The following GPC5 variants were observed in gnomAD, a reference collection of about 807,000 sequenced individuals.
The protein encoded by GPC5 is glypican-5.
A neutral mutation model predicts 53.9 loss-of-function variants in GPC5; 47 were observed. That is an observed-to-expected ratio of 0.87 (90% CI 0.69 to 1.11). The LOEUF (loss-of-function observed/expected upper bound fraction) is 1.11, where lower values mean the gene tolerates loss of function less well. GPC5 is among the 50% of genes most tolerant of loss of function. The pLI is 0.00. For missense variants in GPC5, 748 were observed against 713.1 expected, an observed-to-expected ratio of 1.05 and a Z score of -0.56; for synonymous variants, 286 against 263.3, an observed-to-expected ratio of 1.09 and a Z score of -0.84.
chr13:92,641,052 T>C (rs1885579735), intron 7 of GPC5, among the ~76,000 whole-genome samples: 4 of 152,014 alleles, frequency 2.6e-5, no homozygotes, highest in Admixed American at 6.6e-5. Context: ...GCAAGAAATA[T>C]CACGAGAATA....
At chr13:91,881,440 C>T (rs572450317) in intron 5 of GPC5, among the ~76,000 whole-genome samples, 38 of 152,122 alleles carry the variant, frequency 2.5e-4, no homozygotes, top group African/African-American at 8.7e-4. Flanking sequence ...TCAATGATAA[C>T]AGAGACATTG....
intron 7 of GPC5, among the ~76,000 whole-genome samples, chr13:92,683,971 G>C (rs1887179925): frequency 6.6e-6 from 1 of 152,108 alleles, no homozygotes; most frequent in Non-Finnish European, 1.5e-5. Context: ...CCAGTATATG[G>C]ATTTTAATAG....
At position 91,650,750 on chromosome 13, in the gene GPC5, G is replaced by GTTTTGTTTTTTTTTTTTTTT. The variant is rs1555333961; in HGVS notation, c.326-42433_326-42432insGTTTTTTTTTTTTTTTTTTT. On this transcript the variant is annotated intron_variant, in intron 2 of 7. Coordinates refer to ENST00000377067, the MANE Select transcript of GPC5 (RefSeq NM_004466.6). ...CATCTGTGAAACAAAATTCCCATAA[G>GTTTTGTTTTTTTTTTTTTTT]TTTTTTTTTTTTTTTTTTTTTTAGC... 8.0e-4 allele frequency among the ~76,000 whole-genome samples: 80 copies of GTTTTGTTTTTTTTTTTTTTT among 99,598 alleles called. 1 individual carries two copies. Among genetic ancestry groups the GTTTTGTTTTTTTTTTTTTTT allele is most frequent in the African/African-American group, 3.1e-3 (76 of 24,666 alleles). The allele number at this position is 99,598 out of a possible 152,430, so 65.3% of individuals were successfully genotyped here. A position where few individuals can be genotyped will look rare whatever the true frequency, so the allele number is the denominator to read the frequency against.
intron 7 of GPC5, among the ~76,000 whole-genome samples, chr13:92,278,533 C>A (rs2139165072): frequency 6.6e-6 from 1 of 152,032 alleles, no homozygotes; most frequent in African/African-American, 2.4e-5. Flanking sequence ...GGCAATGTAC[C>A]TTTTATGATT....
chr13:92,779,975 A>G (rs769460404), intron 7 of GPC5, among the ~76,000 whole-genome samples: 1 of 152,128 alleles, frequency 6.6e-6, no homozygotes, highest in South Asian at 2.1e-4. Context: ...TTTTCAGTTG[A>G]AAGTTAAGAC....
intron 2 of GPC5, among the ~76,000 whole-genome samples, chr13:91,531,759 T>C (rs144457625): frequency 6.6e-6 from 1 of 152,358 alleles, no homozygotes; most frequent in Non-Finnish European, 1.5e-5. Context: ...GTATGTGTGA[T>C]AAAGCTTTAA....
intron 7 of GPC5, among the ~76,000 whole-genome samples, chr13:92,550,602 A>G (rs567203327): frequency 6.6e-6 from 1 of 151,924 alleles, no homozygotes; most frequent in Admixed American, 6.6e-5. Context: ...ATAAGACCTG[A>G]AAAAGGGGTA....
chr13:92,392,757 C>G (rs1418262653), intron 7 of GPC5, among the ~76,000 whole-genome samples: 1 of 152,048 alleles, frequency 6.6e-6, no homozygotes, highest in Non-Finnish European at 1.5e-5. Flanking sequence ...AGAGACTGCT[C>G]AAAAGAAGAC....
At chr13:91,609,446 A>G (rs1270714263) in intron 2 of GPC5, among the ~76,000 whole-genome samples, 1 of 152,214 alleles carries the variant, frequency 6.6e-6, no homozygotes, top group African/African-American at 2.4e-5. Flanking sequence ...CTCATGCACC[A>G]GTATCAACCC....
chr13:92,735,852 A>G (rs1476428873), intron 7 of GPC5, among the ~76,000 whole-genome samples: 1 of 152,014 alleles, frequency 6.6e-6, no homozygotes, highest in Non-Finnish European at 1.5e-5. Context: ...TGGCATTAGT[A>G]TGTGTCCTAT....
rs180716580 is a variant in GPC5, at chr13:91,819,218, G to A, written c.1280+62798G>A. 8.4e-3 allele frequency among the ~76,000 whole-genome samples: 1,132 copies of A among 134,582 alleles called. 6 individuals are homozygous for A. Among genetic ancestry groups the A allele is most frequent in the Admixed American group, 0.012 (144 of 12,178 alleles). 88.3% of individuals were successfully genotyped at this position (134,582 alleles called of 152,430 possible). ...ACTCTCGCCTGGGCTGGAATGCAGT[G>A]GCGTGATATCAGCTCACTGCAACCT... On this transcript the variant is annotated intron_variant, in intron 5 of 7. Transcript: ENST00000377067.
At chr13:92,521,356 A>C (rs945559643) in intron 7 of GPC5, among the ~76,000 whole-genome samples, 16 of 152,328 alleles carry the variant, frequency 1.1e-4, no homozygotes, top group African/African-American at 3.4e-4. Context: ...CGGAGGCATC[A>C]TGCTACCTGA....
At chr13:91,828,983 T>A (rs1182566961) in intron 5 of GPC5, among the ~76,000 whole-genome samples, 1 of 152,070 alleles carries the variant, frequency 6.6e-6, no homozygotes, top group African/African-American at 2.4e-5. Flanking sequence ...AATGACATAA[T>A]GTCAAAGTGT....
chr13:92,018,187 G>A (rs961819247), intron 6 of GPC5, among the ~76,000 whole-genome samples: 5 of 151,944 alleles, frequency 3.3e-5, no homozygotes, highest in African/African-American at 1.2e-4. Flanking sequence ...GCCTACCAAA[G>A]GTAGGCATTT....
chr13:91,975,741 T>A (rs907904056), intron 6 of GPC5, among the ~76,000 whole-genome samples: 42 of 152,274 alleles, frequency 2.8e-4, no homozygotes, highest in African/African-American at 9.9e-4. Context: ...GAACTAGAAA[T>A]ACCATTTGAC....
chr13:91,515,467 A>C (rs1449130082), intron 2 of GPC5, among the ~76,000 whole-genome samples: 1 of 152,286 alleles, frequency 6.6e-6, no homozygotes, highest in Non-Finnish European at 1.5e-5. Context: ...GAATTAGGCT[A>C]TGTTTTCTTC....
In GPC5 at chr13:91,841,040, A is replaced by G. The variant is rs1456456455; in HGVS notation, c.1281-66897A>G. ...TACTATTTCTGGAATTGTAAAATATATGATTTTTTTTTTATTTTTCAAAGA... is the reference window on the plus strand; with the variant it reads ...TACTATTTCTGGAATTGTAAAATATGTGATTTTTTTTTTATTTTTCAAAGA... On this transcript the variant is annotated intron_variant, in intron 5 of 7. Coordinates refer to ENST00000377067, the MANE Select transcript of GPC5 (RefSeq NM_004466.6). Among the ~76,000 whole-genome samples the G allele has an allele frequency of 2.0e-5, 3 of 150,730 alleles. 1 individual carries two copies. Among genetic ancestry groups the G allele is most frequent in the Non-Finnish European group, 4.4e-5 (3 of 67,928 alleles).
At chr13:92,784,826 T>C (rs1876157828) in intron 7 of GPC5, among the ~76,000 whole-genome samples, 1 of 152,210 alleles carries the variant, frequency 6.6e-6, no homozygotes, top group Non-Finnish European at 1.5e-5. Flanking sequence ...TACCAGGAGC[T>C]GATATTCTTG....
At position 92,165,657 on chromosome 13, in the gene GPC5, C is replaced by T. The variant is rs575973477; in HGVS notation, c.1561+20668C>T. Among the ~76,000 whole-genome samples, 788 of 152,340 alleles carry T rather than the reference C, an allele frequency of 5.2e-3. 10 individuals carry two copies. The highest frequency in any genetic ancestry group is 0.018 in the African/African-American group (752 of 41,580). On this transcript the variant is annotated intron_variant, in intron 7 of 7. Transcript: ENST00000377067. ...ACCTCTCATGAGGCCCCTCCCCTAA[C>T]ACATGGGGATTACAATTTGGATTAC...
Sources: gnomAD v4.1 joint callset for allele counts (sites outside exome capture counted in the v4.1 genomes callset) on GRCh38, gnomAD v4.1.1 for gene constraint, MANE v1.5 for transcripts, NCBI Gene and HGNC (gene_info 2026-07-23, HGNC 2026-07-21) for gene names.